Variants in GLIS3 observed in about 807,000 individuals in gnomAD.
GLIS3 encodes the protein GLIS family zinc finger 3.
Under a neutral mutation model 78.6 loss-of-function variants are expected in GLIS3, and 53 were observed. The observed-to-expected ratio is 0.67, with a 90% CI of 0.54 to 0.85. The LOEUF (loss-of-function observed/expected upper bound fraction) is 0.85. Ranked by LOEUF, GLIS3 falls within the 40% of genes least tolerant of loss-of-function variation. GLIS3 has a pLI of 0.00. For synonymous variants in GLIS3, 684 were observed against 509.9 expected (o/e 1.34, Z -4.60); for missense variants, 1,703 against 1,231.1 (o/e 1.38, Z -5.74).
intron 7 of GLIS3, among the ~76,000 whole-genome samples, chr9:3,886,374 C>G (rs1191670206): frequency 6.6e-6 from 1 of 152,124 alleles, no homozygotes; most frequent in Non-Finnish European, 1.5e-5. Flanking sequence ...TAATACACAC[C>G]TTTTGAGTTA....
intron 4 of GLIS3, among the ~76,000 whole-genome samples, chr9:4,002,211 G>A (rs1387779122): frequency 6.6e-6 from 1 of 152,128 alleles, no homozygotes; most frequent in Non-Finnish European, 1.5e-5. Flanking sequence ...TGAGTAAGAG[G>A]TCACAAGCCA....
At chr9:4,150,398 A>C (rs1226107869) in intron 2 of GLIS3, among the ~76,000 whole-genome samples, 2 of 152,208 alleles carry the variant, frequency 1.3e-5, no homozygotes, top group African/African-American at 4.8e-5. Context: ...AGCCATATGG[A>C]GGCAAGAGGA....
chr9:4,181,683 C>A (rs528295538), intron 2 of GLIS3, among the ~76,000 whole-genome samples: 1 of 152,356 alleles, frequency 6.6e-6, no homozygotes, highest in African/African-American at 2.4e-5. Context: ...TGAAGCCGTA[C>A]TTCACTGTGA....
chr9:4,100,964 C>G (rs1460560711), intron 4 of GLIS3, among the ~76,000 whole-genome samples: 1 of 151,976 alleles, frequency 6.6e-6, no homozygotes, highest in East Asian at 1.9e-4. Flanking sequence ...AATAGCCAGC[C>G]CTGGTGTGAA....
At chr9:4,331,587 G>C (rs544450917) in intron 2 of GLIS3, among the ~76,000 whole-genome samples, 1 of 152,284 alleles carries the variant, frequency 6.6e-6, no homozygotes, top group East Asian at 1.9e-4. Flanking sequence ...AAGCTGCAGG[G>C]AAATCTATGG....
Position 4,149,845 on chromosome 9 carries a change from G to A in GLIS3, c.389-23904C>T, listed in dbSNP as rs143365983. Among the ~76,000 whole-genome samples the A allele has an allele frequency of 1.0e-3, 157 of 152,326 alleles. 1 individual carries two copies. Among genetic ancestry groups the A allele is most frequent in the African/African-American group, 3.6e-3 (150 of 41,576 alleles). ...GATAAAAAAGCTACTGAGACACAGA[G>A]AAGGAGATGACGATGATGATAATGA... On this transcript the variant is annotated intron_variant, in intron 2 of 10. Coordinates refer to ENST00000381971, the MANE Select transcript of GLIS3 (RefSeq NM_001042413.2).
At chr9:4,031,974 C>G (rs2130272686) in intron 4 of GLIS3, among the ~76,000 whole-genome samples, 1 of 152,252 alleles carries the variant, frequency 6.6e-6, no homozygotes, top group South Asian at 2.1e-4. Flanking sequence ...AGAGTCTAGA[C>G]AGATAGGAGG....
At chr9:4,485,860 T>G in the GLIS3 span, among the ~76,000 whole-genome samples, 1 of 152,074 alleles carries the variant, frequency 6.6e-6, no homozygotes, top group Non-Finnish European at 1.5e-5. Context: ...TAGCTGGAAT[T>G]ATAGGTTCCT....
At chr9:4,179,568 T>C (rs752103553) in intron 2 of GLIS3, among the ~76,000 whole-genome samples, 1 of 152,118 alleles carries the variant, frequency 6.6e-6, no homozygotes, top group Non-Finnish European at 1.5e-5. Context: ...CAGGACACAC[T>C]CTCCCATAGA....
At chr9:4,212,738 T>A (rs1205560451) in intron 2 of GLIS3, among the ~76,000 whole-genome samples, 2 of 152,060 alleles carry the variant, frequency 1.3e-5, no homozygotes, top group Admixed American at 6.5e-5. Flanking sequence ...AGATAGAACA[T>A]GTGAGGAACG....
chr9:4,225,483 G>A (rs1462662671), intron 2 of GLIS3, among the ~76,000 whole-genome samples: 1 of 152,116 alleles, frequency 6.6e-6, no homozygotes, highest in South Asian at 2.1e-4. Context: ...ACTCATTCCT[G>A]CAACCTAACG....
chr9:4,353,783 G>A, the GLIS3 span, among the ~76,000 whole-genome samples: 8 of 152,116 alleles, frequency 5.3e-5, no homozygotes, highest in African/African-American at 1.9e-4. Flanking sequence ...TGAATTATAT[G>A]TGTTGAACTT....
chr9:4,380,307 A>C, the GLIS3 span, among the ~76,000 whole-genome samples: 1 of 152,252 alleles, frequency 6.6e-6, no homozygotes, highest in Non-Finnish European at 1.5e-5. Flanking sequence ...TATATGTAAT[A>C]AAAATCTCTG....
chr9:3,931,341 G>A (rs1413484573), intron 6 of GLIS3, among the ~76,000 whole-genome samples: 1 of 152,098 alleles, frequency 6.6e-6, no homozygotes, highest in Non-Finnish European at 1.5e-5. Flanking sequence ...ACATAAAAGT[G>A]TTAAATCCCC....
At chr9:4,029,640 T>A (rs1823654255) in intron 4 of GLIS3, among the ~76,000 whole-genome samples, 1 of 151,564 alleles carries the variant, frequency 6.6e-6, no homozygotes. Flanking sequence ...CATCCTTCTA[T>A]TCTCCATTTC....
intron 6 of GLIS3, among the ~76,000 whole-genome samples, chr9:3,905,270 A>G (rs60161001): frequency 0.035 from 5,241 of 150,306 alleles, 109 homozygotes; most frequent in African/African-American, 0.057. Context: ...GATTACAGGC[A>G]TGAGCCACTG....
At chr9:4,271,210 T>C (rs974981122) in intron 2 of GLIS3, among the ~76,000 whole-genome samples, 2 of 152,156 alleles carry the variant, frequency 1.3e-5, no homozygotes, top group African/African-American at 4.8e-5. Flanking sequence ...TGTTTCTCAG[T>C]AGCATTTTCT....
intron 4 of GLIS3, among the ~76,000 whole-genome samples, chr9:4,027,861 T>C (rs143194033): frequency 5.3e-5 from 8 of 152,154 alleles, no homozygotes; most frequent in African/African-American, 1.9e-4. Context: ...CTCCAGCTAA[T>C]AGGCCATCAA....
intron 2 of GLIS3, among the ~76,000 whole-genome samples, chr9:4,312,872 G>A (rs1366086574): frequency 1.3e-5 from 2 of 152,190 alleles, no homozygotes; most frequent in Non-Finnish European, 2.9e-5. Flanking sequence ...ACTCAGGCCA[G>A]GCATGTTACA....
Sources: allele counts gnomAD v4.1 joint callset (sites outside exome capture counted in the v4.1 genomes callset), GRCh38; gene constraint gnomAD v4.1.1; transcripts MANE v1.5; gene names NCBI Gene and HGNC (gene_info 2026-07-23, HGNC 2026-07-21).